The following NRG1 variants were observed in gnomAD, a reference collection of about 807,000 sequenced individuals.
The protein encoded by NRG1 is neuregulin 1.
NRG1 carries 18 observed loss-of-function variants against 63.8 expected under a neutral mutation model. The ratio of observed to expected loss-of-function variants is 0.28; its 90% confidence interval spans 0.19 to 0.42. NRG1 has a LOEUF of 0.42. Among genes scored for constraint, NRG1 ranks in the 10% least tolerant of loss-of-function variants. The pLI, the probability that NRG1 is intolerant of heterozygous loss-of-function variation, is 1.00. For synonymous variants in NRG1, 302 were observed against 301.3 expected, an observed-to-expected ratio of 1.00 and a Z score of -0.02; for missense variants, 762 against 814.7, an observed-to-expected ratio of 0.94 and a Z score of 0.79.
chr8:32,071,121 C>T (rs993029636), intron 1 of NRG1, among the ~76,000 whole-genome samples: 3 of 152,276 alleles, frequency 2.0e-5, no homozygotes, highest in Non-Finnish European at 4.4e-5. Context: ...CAGCCTCCAC[C>T]GTAGCACTTC....
chr8:32,634,099 T>TAAAAAAAAAAAAAAAAAAAAAAAAAAAA lies in NRG1; in HGVS notation c.502+17233_502+17234insAAAAAAAAAAAAAAAAAAAAAAAAAAAA, dbSNP rs57478389. ...TTTGAGGCTGAGCAAGATCTTGTCTTAAAAAAAAAAAAAAAAAAAGGTTGC... is the reference window on the plus strand; with the variant it reads ...TTTGAGGCTGAGCAAGATCTTGTCTTAAAAAAAAAAAAAAAAAAAAAAAAAAAAAAAAAAAAAAAAAAAAAAAGGTTGC... On this transcript the variant is annotated intron_variant, in intron 5 of 11. Coordinates refer to ENST00000356819, the Ensembl canonical transcript of NRG1. Among the ~76,000 whole-genome samples the TAAAAAAAAAAAAAAAAAAAAAAAAAAAA allele has an allele frequency of 8.6e-4, 75 of 86,720 alleles. 7 individuals are homozygous for TAAAAAAAAAAAAAAAAAAAAAAAAAAAA. In the East Asian group the frequency reaches 0.028, roughly 32 times the overall value. 56.9% of individuals were successfully genotyped at this position (86,720 alleles called of 152,430 possible). A position where few individuals can be genotyped will look rare whatever the true frequency, so the allele number is the denominator to read the frequency against.
intron 1 of NRG1, among the ~76,000 whole-genome samples, chr8:31,653,291 T>A (rs1373672401): frequency 1.3e-5 from 2 of 152,070 alleles, no homozygotes; most frequent in African/African-American, 4.8e-5. Context: ...ATCTTTGTCT[T>A]TTTAGAACAT....
chr8:32,176,370 A>C (rs1443855467), intron 1 of NRG1, among the ~76,000 whole-genome samples: 1 of 152,234 alleles, frequency 6.6e-6, no homozygotes, highest in Admixed American at 6.5e-5. Flanking sequence ...AAACCATAAA[A>C]ACCCTAGAAG....
At chr8:31,678,404 T>C (rs931423150) in intron 1 of NRG1, among the ~76,000 whole-genome samples, 3 of 152,138 alleles carry the variant, frequency 2.0e-5, no homozygotes, top group Admixed American at 1.3e-4. Flanking sequence ...TTATTAACAA[T>C]CTGTGAACTA....
At chr8:32,010,627 C>T (rs1235393655) in intron 1 of NRG1, among the ~76,000 whole-genome samples, 1 of 151,996 alleles carries the variant, frequency 6.6e-6, no homozygotes, top group African/African-American at 2.4e-5. Context: ...GTCAATCAGT[C>T]AAATTGAAAT....
intron 3 of NRG1, 66 bp downstream of exon 3, chr8:32,605,749 A>C: frequency 6.4e-7 from 1 of 1,553,246 alleles, no homozygotes; most frequent in Non-Finnish European, 8.8e-7. Context: ...ATGTGGTAAG[A>C]CTCATAATAG....
chr8:32,635,513 G>A (rs756161833), intron 5 of NRG1, among the ~76,000 whole-genome samples: 2 of 152,012 alleles, frequency 1.3e-5, no homozygotes, highest in Non-Finnish European at 2.9e-5. Context: ...TTCATTTTGA[G>A]TTGGACAATT....
At chr8:32,621,279 A>G (rs989802528) in intron 5 of NRG1, among the ~76,000 whole-genome samples, 2 of 152,154 alleles carry the variant, frequency 1.3e-5, no homozygotes, top group Admixed American at 6.6e-5. Flanking sequence ...TGTTTTTTGT[A>G]AATGAGGCAT....
Position 32,562,220 on chromosome 8 carries a change from G to C in NRG1, c.100+13394G>C, listed in dbSNP as rs369375540. On this transcript the variant is annotated intron_variant, in intron 1 of 11. Transcript: ENST00000356819. ...CACTGGGGGCCCATCCAAAAAGCTG[G>C]GGGTACAGACAACTGCTGATTCCCA... Among the ~76,000 whole-genome samples the C allele has an allele frequency of 2.0e-5, 3 of 152,048 alleles. No homozygotes were observed. The East Asian group carries it at 5.8e-4, about 30-fold the overall frequency.
At chr8:32,653,724 G>T (rs534584070) in intron 5 of NRG1, among the ~76,000 whole-genome samples, 4 of 152,286 alleles carry the variant, frequency 2.6e-5, no homozygotes, top group African/African-American at 9.6e-5. Flanking sequence ...TTTATGTATT[G>T]TTTTGGCTTG....
chr8:32,457,798 G>A (rs954762087), intron 1 of NRG1, among the ~76,000 whole-genome samples: 1 of 152,146 alleles, frequency 6.6e-6, no homozygotes, highest in Non-Finnish European at 1.5e-5. Flanking sequence ...TGACCAGGAA[G>A]ATGGAGTTTC....
rs549726270 is a variant in NRG1, at chr8:31,768,379, G to A, written c.37+128948G>A. ...AATAATCTTGTTTACCAAGCTCTTT[G>A]GATAAATAGAAAAATATCCACCTTA... On this transcript the variant is annotated intron_variant, in intron 1 of 10. Coordinates refer to the NRG1 transcript ENST00000519301. Among the ~76,000 whole-genome samples the A allele has an allele frequency of 2.2e-4, 33 of 152,210 alleles. No homozygotes were observed. The South Asian group carries it at 3.9e-3, about 18-fold the overall frequency.
chr8:32,074,987 G>C (rs1375411217), intron 1 of NRG1, among the ~76,000 whole-genome samples: 1 of 152,122 alleles, frequency 6.6e-6, no homozygotes, highest in Non-Finnish European at 1.5e-5. Context: ...ACTTTTTTGT[G>C]GTGTGCCTTT....
chr8:32,538,000 C>T (rs1014641058), intron 1 of NRG1, among the ~76,000 whole-genome samples: 5 of 152,042 alleles, frequency 3.3e-5, no homozygotes, highest in Non-Finnish European at 5.9e-5. Context: ...AACAAGCACG[C>T]GCCACCATGA....
intron 5 of NRG1, chr8:32,647,743 C>A (rs555642001): frequency 1.3e-6 from 2 of 1,588,294 alleles, no homozygotes; most frequent in South Asian, 2.2e-5. Context: ...CCAGACATGT[C>A]TGAGGTCGCC....
At chr8:32,369,565 C>T (rs903516479) in intron 1 of NRG1, among the ~76,000 whole-genome samples, 1 of 152,154 alleles carries the variant, frequency 6.6e-6, no homozygotes, top group African/African-American at 2.4e-5. Context: ...GCTAAGGGCC[C>T]CCAACCAGGG....
intron 5 of NRG1, among the ~76,000 whole-genome samples, chr8:32,621,867 A>C (rs906172585): frequency 1.3e-5 from 2 of 152,188 alleles, no homozygotes; most frequent in African/African-American, 2.4e-5. Flanking sequence ...CTGCTATGTC[A>C]CATAACGTTT....
chr8:32,605,028 T>C (rs1845031663), intron 2 of NRG1, among the ~76,000 whole-genome samples: 1 of 152,168 alleles, frequency 6.6e-6, no homozygotes, highest in Non-Finnish European at 1.5e-5. Context: ...TTCCCTTCCT[T>C]TTGGAATTGA....
At chr8:32,755,888 G>A (rs1332866678) in intron 8 of NRG1, among the ~76,000 whole-genome samples, 1 of 151,924 alleles carries the variant, frequency 6.6e-6, no homozygotes, top group Non-Finnish European at 1.5e-5. Flanking sequence ...GACGACAGGT[G>A]CACGCCACCA....
Sources: gnomAD v4.1 joint callset for allele counts (sites outside exome capture counted in the v4.1 genomes callset) on GRCh38, gnomAD v4.1.1 for gene constraint, MANE v1.5 for transcripts, NCBI Gene and HGNC (gene_info 2026-07-23, HGNC 2026-07-21) for gene names.